The following HDGF variants were observed in gnomAD, a reference collection of about 807,000 sequenced individuals.
HDGF encodes hepatoma-derived growth factor.
HDGF carries 5 observed loss-of-function variants against 30.0 expected under a neutral mutation model. The ratio of observed to expected loss-of-function variants is 0.17; its 90% CI spans 0.09 to 0.35. The LOEUF is 0.35. Ranked by LOEUF, HDGF falls within the 10% of genes least tolerant of loss-of-function variation. The pLI is 1.00. For synonymous variants in HDGF, 133 were observed against 112.7 expected (o/e 1.18, Z -1.14); for missense variants, 214 against 302.8 (o/e 0.71, Z 2.18).
At chr1:156,747,650 G>T (rs117651437) in intron 1 of HDGF, among the ~76,000 whole-genome samples, 15 of 152,222 alleles carry the variant, frequency 9.9e-5, no homozygotes, top group East Asian at 9.7e-4. Context: ...AGGGGTGGGG[G>T]TGGGGACTGA....
At chr1:156,748,063 G>T (rs1650711873) in intron 1 of HDGF, among the ~76,000 whole-genome samples, 1 of 152,180 alleles carries the variant, frequency 6.6e-6, no homozygotes, top group Non-Finnish European at 1.5e-5. Context: ...GATGGGTCTA[G>T]AGGGAAGAGA....
upstream of HDGF, chr1:156,752,018 C>T (rs570382087): frequency 6.5e-7 from 1 of 1,549,520 alleles, no homozygotes; most frequent in Non-Finnish European, 8.7e-7. Flanking sequence ...GCCCTTCCCC[C>T]GACTCCGCGG....
chr1:156,752,253 G>T, upstream of HDGF: 3 of 1,551,830 alleles, frequency 1.9e-6, no homozygotes, highest in Non-Finnish European at 2.6e-6. Flanking sequence ...CCCTGGAAAC[G>T]TCGGGGATTT....
intron 1 of HDGF, among the ~76,000 whole-genome samples, chr1:156,764,862 G>A (rs1474007601): frequency 6.6e-6 from 1 of 150,704 alleles, no homozygotes; most frequent in Non-Finnish European, 1.5e-5. Flanking sequence ...CTCCAGCATG[G>A]GCGACAGTAC....
At chr1:156,747,984 C>G (rs993769110) in intron 1 of HDGF, among the ~76,000 whole-genome samples, 1 of 152,076 alleles carries the variant, frequency 6.6e-6, no homozygotes, top group East Asian at 1.9e-4. Context: ...AACAAAAGAA[C>G]GAATGGGATT....
chr1:156,765,667 G>A (rs1351918326), intron 1 of HDGF, among the ~76,000 whole-genome samples: 5 of 151,514 alleles, frequency 3.3e-5, no homozygotes, highest in Non-Finnish European at 7.4e-5. Flanking sequence ...TAGAGACGGG[G>A]TTTCACCATC....
upstream of HDGF, chr1:156,755,785 C>G (rs1489597460): frequency 2.6e-5 from 4 of 152,210 alleles, no homozygotes; most frequent in Admixed American, 6.5e-5. Context: ...TTTGTGCATT[C>G]TGTGTGGAGT....
At position 156,744,224 on chromosome 1, in the gene HDGF, T is replaced by G. The variant is rs1650346077; in HGVS notation, c.428A>C (p.Glu143Ala). 6.2e-7 allele frequency: 1 copy of G among 1,614,004 alleles called. No individual in the cohort carries two copies. The highest frequency in any genetic ancestry group is 1.3e-5 in the African/African-American group (1 of 74,900). Reference sequence around the variant, plus strand: ...TTTCTCGTTCTTCTCCTTGGCTGGCTCATCAATGACCAGCTTCCCTTCCTC... The same window carrying G: ...TTTCTCGTTCTTCTCCTTGGCTGGCGCATCAATGACCAGCTTCCCTTCCTC... ...SDEEGKLVIDEPAKEKNEKGA... is the reference protein window; with the variant it reads ...SDEEGKLVIDAPAKEKNEKGA... The change falls in exon 4 of 6, where the codon GAG (glutamate) becomes GCG (alanine). Residue 143 changes from glutamate (E) to alanine (A), a missense_variant. Physicochemically the swap from Glu to Ala is moderately radical, Grantham distance 107. Transcript: ENST00000357325.
At chr1:156,754,002 G>A (rs1246191634), upstream of HDGF, among the ~76,000 whole-genome samples, 1 of 151,376 alleles carries the variant, frequency 6.6e-6, no homozygotes, top group Non-Finnish European at 1.5e-5. Context: ...TGCAACCTCC[G>A]CCTCCCAGGA....
At chr1:156,752,892 G>C (rs1227969124), upstream of HDGF, among the ~76,000 whole-genome samples, 1 of 152,118 alleles carries the variant, frequency 6.6e-6, no homozygotes, top group Non-Finnish European at 1.5e-5. Flanking sequence ...CACGTTTCCT[G>C]ATCCTATTTC....
rs1402057938 is a variant in HDGF, at chr1:156,743,323, GAGT to G, written c.*123_*125del. 9 of 1,037,376 alleles carry G rather than the reference GAGT, an allele frequency of 8.7e-6. No individual in the cohort carries two copies. The East Asian group carries it at 1.0e-4, about 12-fold the overall frequency. The allele number at this position is 1,037,376 out of a possible 1,614,324, so 64.3% of individuals were successfully genotyped here. ...GGGCTGGGCTTGGAGTGGGAAAAGTGAGTAGAAGAGGAGAGCAGGTTGGGGTGG... is the reference window on the plus strand; with the variant it reads ...GGGCTGGGCTTGGAGTGGGAAAAGTGAGAAGAGGAGAGCAGGTTGGGGTGG... On this transcript the variant is annotated 3_prime_UTR_variant, in exon 6 of 6. Transcript: ENST00000357325.
chr1:156,751,781 G>A (rs1165445201), upstream of HDGF: 1 of 721,296 alleles, frequency 1.4e-6, no homozygotes, highest in Non-Finnish European at 1.6e-6. This position sits in a 1 kb window ranked among gnomAD's most constrained non-coding sequence, Gnocchi z 4.7. Flanking sequence ...TCCTCCCCCC[G>A]CCCCCCAACC....
chr1:156,747,967 G>C (rs1185470414), intron 1 of HDGF, among the ~76,000 whole-genome samples: 1 of 152,160 alleles, frequency 6.6e-6, no homozygotes, highest in South Asian at 2.1e-4. Flanking sequence ...CCCAGCAGTG[G>C]GGGAGAAACA....
At chr1:156,744,064 C>A in intron 4 of HDGF, 99 bp downstream of exon 4, 3 of 1,289,344 alleles carry the variant, frequency 2.3e-6, no homozygotes, top group South Asian at 2.4e-5. Flanking sequence ...GCTGGATCGA[C>A]CTCTCAGACT....
chr1:156,759,537 A>G (rs1260532733), intron 1 of HDGF, among the ~76,000 whole-genome samples: 2 of 137,312 alleles, frequency 1.5e-5, no homozygotes, highest in East Asian at 2.1e-4. Flanking sequence ...GCTGGAGTGC[A>G]GTGGCGCGTT....
At chr1:156,764,666 C>T (rs757505465) in intron 1 of HDGF, among the ~76,000 whole-genome samples, 2 of 152,058 alleles carry the variant, frequency 1.3e-5, no homozygotes, top group Non-Finnish European at 2.9e-5. Flanking sequence ...GGGATCCTCG[C>T]TTAGAAAACA....
Position 156,742,146 on chromosome 1 carries a change from C to A in HDGF, c.*1303G>T, listed in dbSNP as rs1008967329. The A allele has an allele frequency of 1.3e-5, 2 of 152,664 alleles. No individual in the cohort carries two copies. The highest frequency in any genetic ancestry group is 6.5e-5 in the Admixed American group (1 of 15,284). The allele number at this position is 152,664 out of a possible 1,614,324, so 9.5% of individuals were successfully genotyped here. On this transcript the variant is annotated 3_prime_UTR_variant, in exon 6 of 6. Coordinates refer to ENST00000357325, the MANE Select transcript of HDGF (RefSeq NM_004494.3). ...GGTTTTATTTTCCTAGAACTGAAAT[C>A]ATCTACGGTTCTCAGAGCTAAACTT...
chr1:156,761,155 A>G lies in HDGF; in HGVS notation n.137-1936T>C, dbSNP rs551477484. 2.0e-5 allele frequency among the ~76,000 whole-genome samples: 3 copies of G among 152,146 alleles called. No homozygotes were observed. The South Asian group carries it at 6.2e-4, about 32-fold the overall frequency. ...TGGTGAACCCCTGTCTCTACTAAAA[A>G]TACAAAAATTAGCTGGGCGTGGTGG... On this transcript the variant is annotated intron_variant and non_coding_transcript_variant, in intron 1 of 7. Coordinates refer to the HDGF transcript ENST00000465180.
At chr1:156,743,517 A>G in intron 5 of HDGF, 62 bp from the exon 6 acceptor site, 1 of 1,586,206 alleles carries the variant, frequency 6.3e-7, no homozygotes. Context: ...GCCTTGCCCC[A>G]GCCAGTGCCG....
Sources: allele counts gnomAD v4.1 joint callset (sites outside exome capture counted in the v4.1 genomes callset), GRCh38; gene constraint gnomAD v4.1.1; non-coding constraint Gnocchi (gnomAD v3.1); transcripts MANE v1.5; gene names NCBI Gene and HGNC (gene_info 2026-07-23, HGNC 2026-07-21).